The following AXDND1 variants were observed in gnomAD, a reference collection of about 807,000 sequenced individuals.
AXDND1 encodes axonemal dynein light chain domain containing 1.
Under a neutral mutation model 137.5 loss-of-function variants are expected in AXDND1, and 110 were observed. The ratio of observed to expected loss-of-function variants is 0.80; its 90% confidence interval spans 0.69 to 0.94. The LOEUF (loss-of-function observed/expected upper bound fraction) is 0.94, where lower values mean the gene tolerates loss of function less well. AXDND1 is among the 40% of genes least tolerant of loss of function. The pLI is 0.00. For missense variants in AXDND1, 1,191 were observed against 1,169.8 expected (o/e 1.02, Z -0.26); for synonymous variants, 414 against 399.7 (o/e 1.04, Z -0.43).
At chr1:179,506,900 A>T (rs1215805874) in intron 20 of AXDND1, 8 of 985,274 alleles carry the variant, frequency 8.1e-6, no homozygotes, top group Non-Finnish European at 9.6e-6. Context: ...TGGTAGTAGG[A>T]ATCTTACTCT....
chr1:179,377,073 A>G (rs1348475983), intron 4 of AXDND1, among the ~76,000 whole-genome samples: 1 of 152,106 alleles, frequency 6.6e-6, no homozygotes, highest in Non-Finnish European at 1.5e-5. Context: ...CTGGGACTAT[A>G]GGCACACACC....
chr1:179,367,076 C>T (rs1667502145), intron 2 of AXDND1, among the ~76,000 whole-genome samples: 1 of 151,974 alleles, frequency 6.6e-6, no homozygotes, highest in African/African-American at 2.4e-5. Flanking sequence ...CAAAAATTAG[C>T]CGGGCATGGT....
intron 15 of AXDND1, among the ~76,000 whole-genome samples, chr1:179,433,661 A>G (rs894794856): frequency 6.6e-6 from 1 of 152,156 alleles, no homozygotes; most frequent in Non-Finnish European, 1.5e-5. Context: ...ATTTCCATGC[A>G]GTTGTATGGT....
At chr1:179,539,515 G>A (rs1170443927) in intron 25 of AXDND1, among the ~76,000 whole-genome samples, 2 of 152,146 alleles carry the variant, frequency 1.3e-5, no homozygotes, top group Non-Finnish European at 2.9e-5. Context: ...TTGAATATTG[G>A]CCTCCACTCT....
intron 16 of AXDND1, among the ~76,000 whole-genome samples, chr1:179,465,695 G>A (rs1021848022): frequency 1.3e-5 from 2 of 152,216 alleles, no homozygotes; most frequent in African/African-American, 4.8e-5. Flanking sequence ...GCTGCCTTTT[G>A]TTCAGCTATG....
At chr1:179,457,373 G>T in intron 16 of AXDND1, 1 of 454,680 alleles carries the variant, frequency 2.2e-6, no homozygotes, top group South Asian at 3.7e-5. Flanking sequence ...TGCTTCTTCG[G>T]CGGCGTCCAG....
At chr1:179,552,177 T>TAAAAA in intron 25 of AXDND1, 3 of 220,158 alleles carry the variant, frequency 1.4e-5, no homozygotes, top group Admixed American at 5.1e-5. Context: ...CTCTTGGCTC[T>TAAAAA]AGCATTGAGG....
At chr1:179,407,557 A>T (rs1465904253) in intron 11 of AXDND1, among the ~76,000 whole-genome samples, 1 of 151,958 alleles carries the variant, frequency 6.6e-6, no homozygotes, top group Non-Finnish European at 1.5e-5. Flanking sequence ...TGAATATATC[A>T]TTCAATTCTT....
chr1:179,461,322 T>G (rs568440546), intron 16 of AXDND1, among the ~76,000 whole-genome samples: 4 of 152,224 alleles, frequency 2.6e-5, no homozygotes, highest in South Asian at 4.1e-4. Context: ...TTTCCCCATT[T>G]CTTGTTTTTG....
intron 16 of AXDND1, chr1:179,449,016 G>C (rs1660136292): frequency 2.9e-6 from 1 of 347,332 alleles, no homozygotes; most frequent in Admixed American, 3.6e-5. Context: ...CCTCTGAGTA[G>C]CTAGGACTAC....
Position 179,385,337 on chromosome 1 carries a change from G to A in AXDND1, c.841G>A (p.Gly281Arg). ...AGTCAGTGTGGACTGTGCAGACAGA[G>A]GAGAACTTCTGTCTAAAGTCAGGTT... ...RQVSVDCADR[G>R]ELLSKVRERY... Residue 281 changes from glycine to arginine, a missense_variant, in exon 9 of 26, where the codon GGA becomes AGA. Gly to Arg is a moderately radical substitution (Grantham distance 125). Coordinates refer to ENST00000367618, the MANE Select transcript of AXDND1 (RefSeq NM_144696.6). 1.2e-6 allele frequency: 2 copies of A among 1,613,902 alleles called. No homozygotes were observed. The highest frequency in any genetic ancestry group is 1.7e-6 in the Non-Finnish European group (2 of 1,179,844).
chr1:179,393,907 A>G lies in AXDND1; in HGVS notation c.868A>G (p.Arg290Gly), dbSNP rs750217695. The G allele has an allele frequency of 6.3e-7, 1 of 1,591,068 alleles. No individual in the cohort carries two copies. The highest frequency in any genetic ancestry group is 8.5e-7 in the Non-Finnish European group (1 of 1,172,156). ...TTTTGGTTGTTTGTCATGCAGAGAG[A>G]GGTATGTGCAAATGCTTGACCAGAT... The part of the protein sequence containing the change: ...RGELLSKVRE[R>G]YVQMLDQIAR... The change falls in exon 10 of 26, where the codon AGG (arginine) becomes GGG (glycine). Residue 290 changes from arginine to glycine, a missense_variant. Arg to Gly is a moderately radical substitution (Grantham distance 125). Transcript: ENST00000367618.
chr1:179,379,176 A>T (rs1647791783), intron 5 of AXDND1, among the ~76,000 whole-genome samples: 1 of 152,164 alleles, frequency 6.6e-6, no homozygotes, highest in Non-Finnish European at 1.5e-5. Flanking sequence ...TAATACTAGC[A>T]CCAAGGTTAT....
At chr1:179,467,076 T>G (rs1571962036) in intron 16 of AXDND1, among the ~76,000 whole-genome samples, 1 of 152,310 alleles carries the variant, frequency 6.6e-6, no homozygotes, top group East Asian at 1.9e-4. Flanking sequence ...TAGAGTGACT[T>G]AATATCCCAA....
At chr1:179,457,212 A>G (rs12736300) in intron 16 of AXDND1, 115,046 of 742,674 alleles carry the variant, frequency 0.15, 10,889 homozygotes, top group East Asian at 0.36. Context: ...CACACAGTCC[A>G]TGAGCATTCC....
intron 21 of AXDND1, among the ~76,000 whole-genome samples, chr1:179,510,284 TC>T (rs755263347): frequency 1.3e-5 from 2 of 152,112 alleles, no homozygotes; most frequent in Non-Finnish European, 1.5e-5. Flanking sequence ...CAAACTCAAC[TC>T]TTGTTTGTAT....
At chr1:179,523,875 C>T (rs1448449205) in intron 21 of AXDND1, among the ~76,000 whole-genome samples, 2 of 152,166 alleles carry the variant, frequency 1.3e-5, no homozygotes, top group Non-Finnish European at 2.9e-5. Flanking sequence ...CACCCTTTTC[C>T]CCTGAATCCC....
chr1:179,449,324 T>C (rs939708693), intron 16 of AXDND1: 15 of 308,612 alleles, frequency 4.9e-5, no homozygotes, highest in Non-Finnish European at 8.3e-5. Flanking sequence ...TTGTCAAAAA[T>C]CAGTTAACCA....
At position 179,467,116 on chromosome 1, in the gene AXDND1, C is replaced by T. The variant is rs564698823; in HGVS notation, c.1799-1327C>T. 2.6e-5 allele frequency among the ~76,000 whole-genome samples: 4 copies of T among 152,230 alleles called. 1 individual carries two copies. The South Asian group carries it at 6.2e-4, about 24-fold the overall frequency. ...CCATGAAAGATATTGAAGTTCCATC[C>T]TCCAAAATCCATGAAAGATATTAAA... On this transcript the variant is annotated intron_variant, in intron 16 of 25. Coordinates refer to ENST00000367618, the MANE Select transcript of AXDND1 (RefSeq NM_144696.6).
Sources: gnomAD v4.1 joint callset for allele counts (sites outside exome capture counted in the v4.1 genomes callset) on GRCh38, gnomAD v4.1.1 for gene constraint, MANE v1.5 for transcripts, NCBI Gene and HGNC (gene_info 2026-07-23, HGNC 2026-07-21) for gene names.